Variants in CDH12 observed in about 807,000 individuals in gnomAD.
CDH12 encodes the protein cadherin 12, also known as cadherin-12.
In CDH12, 41 loss-of-function variants were observed where a neutral mutation model predicts 74.1. The ratio of observed to expected loss-of-function variants is 0.55; its 90% confidence interval spans 0.43 to 0.72. The LOEUF (loss-of-function observed/expected upper bound fraction) is 0.72. Among genes scored for constraint, CDH12 ranks in the 30% least tolerant of loss-of-function variants. The pLI, the probability that CDH12 is intolerant of heterozygous loss-of-function variation, is 0.00. For missense variants in CDH12, 945 were observed against 977.2 expected, an observed-to-expected ratio of 0.97 and a Z score of 0.44; for synonymous variants, 399 against 355.0, an observed-to-expected ratio of 1.12 and a Z score of -1.39.
At chr5:22,838,039 T>C (rs1007562785) in intron 1 of CDH12, among the ~76,000 whole-genome samples, 1 of 152,154 alleles carries the variant, frequency 6.6e-6, no homozygotes, top group South Asian at 2.1e-4. Context: ...AAAATAACCA[T>C]TATTCTCCAA....
rs59874050 is a variant in CDH12 at position 21,945,984 on chromosome 5, G to GAAA, written c.526+29104_526+29106dup. Among the ~76,000 whole-genome samples, 518 of 146,684 alleles carry GAAA rather than the reference G, an allele frequency of 3.5e-3. 3 individuals carry two copies. Among genetic ancestry groups the GAAA allele is most frequent in the African/African-American group, 0.012 (484 of 40,268 alleles). ...CCAAATACATTCAATTTCTGGAAAT[G>GAAA]AAAAAAAAAAATTAAAAATCTTGAA... is the stretch of plus-strand genomic sequence containing the variant. On this transcript the variant is annotated intron_variant, in intron 6 of 14. Transcript: ENST00000382254.
chr5:22,381,534 G>A (rs1245279909), intron 3 of CDH12, among the ~76,000 whole-genome samples: 1 of 151,490 alleles, frequency 6.6e-6, no homozygotes, highest in African/African-American at 2.4e-5. Context: ...ATTCCTATGC[G>A]ATTTCTCCAT....
intron 3 of CDH12, among the ~76,000 whole-genome samples, chr5:22,304,198 C>T (rs943417581): frequency 1.2e-4 from 18 of 152,002 alleles, no homozygotes; most frequent in East Asian, 1.9e-4. Context: ...GGAGAGTTAA[C>T]GAGATGCCGT....
At chr5:22,313,133 A>G (rs1027125123) in intron 3 of CDH12, among the ~76,000 whole-genome samples, 1 of 152,150 alleles carries the variant, frequency 6.6e-6, no homozygotes, top group African/African-American at 2.4e-5. Context: ...CCCTTGGTGG[A>G]GAAGGGTAGA....
intron 1 of CDH12, among the ~76,000 whole-genome samples, chr5:22,537,092 T>C (rs1164296704): frequency 2.0e-5 from 3 of 152,202 alleles, no homozygotes; most frequent in African/African-American, 7.2e-5. Context: ...GACATTTTCT[T>C]ATGGTGCCAT....
intron 3 of CDH12, among the ~76,000 whole-genome samples, chr5:22,307,873 GTTTTTT>G (rs35242143): frequency 4.2e-3 from 287 of 68,666 alleles, no homozygotes; most frequent in African/African-American, 0.018. Context: ...CTTTCTTTTA[GTTTTTT>G]TTTTTTTTTT....
intron 1 of CDH12, among the ~76,000 whole-genome samples, chr5:22,555,135 AC>A (rs1338531559): frequency 1.3e-5 from 2 of 152,024 alleles, no homozygotes; most frequent in African/African-American, 4.8e-5. Context: ...TTCCTTCCCA[AC>A]CATCCAGTTT....
chr5:22,614,322 C>T (rs907754076), intron 1 of CDH12, among the ~76,000 whole-genome samples: 1 of 152,030 alleles, frequency 6.6e-6, no homozygotes, highest in Non-Finnish European at 1.5e-5. Flanking sequence ...CAAAACTATA[C>T]AATTGCACGC....
At chr5:22,429,926 G>A (rs1447321642) in intron 2 of CDH12, among the ~76,000 whole-genome samples, 1 of 152,072 alleles carries the variant, frequency 6.6e-6, no homozygotes, top group African/African-American at 2.4e-5. Flanking sequence ...TAATGTTGAT[G>A]GCCATATAAT....
intron 1 of CDH12, among the ~76,000 whole-genome samples, chr5:22,799,618 T>C (rs983598438): frequency 3.3e-5 from 5 of 152,186 alleles, no homozygotes; most frequent in South Asian, 2.1e-4. Context: ...TGCTCTTTAA[T>C]TGACTTATTG....
intron 2 of CDH12, among the ~76,000 whole-genome samples, chr5:22,465,816 T>C (rs542314092): frequency 2.0e-5 from 3 of 152,296 alleles, no homozygotes; most frequent in East Asian, 3.9e-4. Context: ...TTGCTCACCA[T>C]GTCCATCACT....
At chr5:21,976,329 G>A (rs1247476994) in intron 5 of CDH12, among the ~76,000 whole-genome samples, 6 of 152,072 alleles carry the variant, frequency 3.9e-5, no homozygotes, top group Admixed American at 3.9e-4. Flanking sequence ...GAACTAAAGA[G>A]TAGAGAGAAT....
intron 4 of CDH12, among the ~76,000 whole-genome samples, chr5:22,176,111 T>G (rs1749323292): frequency 6.6e-6 from 1 of 152,124 alleles, no homozygotes; most frequent in Non-Finnish European, 1.5e-5. Context: ...AGTGTATACA[T>G]TATCTTCAAA....
intron 2 of CDH12, among the ~76,000 whole-genome samples, chr5:22,477,741 A>G (rs767813227): frequency 6.6e-6 from 1 of 152,176 alleles, no homozygotes; most frequent in Non-Finnish European, 1.5e-5. Context: ...GCAAAACAAC[A>G]ATGAAAAGCG....
chr5:21,939,094 C>T (rs1422442174), intron 6 of CDH12, among the ~76,000 whole-genome samples: 1 of 151,028 alleles, frequency 6.6e-6, no homozygotes, highest in Non-Finnish European at 1.5e-5. Flanking sequence ...GAAAAAAATG[C>T]AGCCTTCTAA....
intron 4 of CDH12, among the ~76,000 whole-genome samples, chr5:22,210,739 G>C (rs1344894573): frequency 2.6e-5 from 4 of 151,816 alleles, no homozygotes; most frequent in Non-Finnish European, 5.9e-5. Flanking sequence ...GTTGGCACAA[G>C]GATAGAGATG....
At chr5:22,043,178 A>G (rs1252757276) in intron 5 of CDH12, among the ~76,000 whole-genome samples, 1 of 152,166 alleles carries the variant, frequency 6.6e-6, no homozygotes, top group Non-Finnish European at 1.5e-5. Context: ...CCTGATAAGT[A>G]CATATGCAAA....
rs1579640636 is a variant in CDH12, at chr5:21,755,786, A to C, written c.1690T>G (p.Leu564Val). 6.2e-7 allele frequency: 1 copy of C among 1,613,524 alleles called. No individual in the cohort carries two copies. Among genetic ancestry groups the C allele is most frequent in the East Asian group, 2.2e-5 (1 of 44,848 alleles). The change falls in exon 14 of 15, where the codon TTG (leucine) becomes GTG (valine). Residue 564 changes from leucine to valine, a missense_variant. Around this residue, in one of 3 missense-constraint regions of CDH12, gnomAD observed 791 missense variants for 792.8 expected, o/e 1.00. Coordinates refer to ENST00000382254, the MANE Select transcript of CDH12 (RefSeq NM_004061.5). ...RNGYSRRQQE[L>V]YFLPVVIEDS... Reference sequence around the variant, plus strand: ...TCTATTACAACAGGGAGGAAATACAACTCTTGCTGCCTGCGGCTGTATCCA... The same window carrying C: ...TCTATTACAACAGGGAGGAAATACACCTCTTGCTGCCTGCGGCTGTATCCA...
At chr5:22,296,573 C>T (rs188130740) in intron 3 of CDH12, among the ~76,000 whole-genome samples, 3 of 152,192 alleles carry the variant, frequency 2.0e-5, no homozygotes, top group African/African-American at 7.2e-5. Context: ...ATGTAAAAGT[C>T]AGTATTGAAC....
Sources: gnomAD v4.1 joint callset for allele counts (sites outside exome capture counted in the v4.1 genomes callset) on GRCh38, gnomAD v4.1.1 for gene constraint, gnomAD v4.1.1 regional missense constraint, MANE v1.5 for transcripts, NCBI Gene and HGNC (gene_info 2026-07-23, HGNC 2026-07-21) for gene names.